The following ANK1 variants were observed in gnomAD, a reference collection of about 807,000 sequenced individuals.
ANK1 encodes the protein ankyrin 1.
ANK1 carries 51 observed loss-of-function variants against 210.4 expected under a neutral mutation model. That is an observed-to-expected ratio of 0.24 (90% CI 0.19 to 0.31). ANK1 has a LOEUF of 0.31. Ranked by LOEUF, ANK1 falls within the 10% of genes least tolerant of loss-of-function variation. The pLI, the probability that ANK1 is intolerant of heterozygous loss-of-function variation, is 1.00. For synonymous variants in ANK1, 967 were observed against 1,025.9 expected (o/e 0.94, Z 1.10); for missense variants, 2,051 against 2,504.4 (o/e 0.82, Z 3.86).
rs34773901 is a variant in ANK1, at chr8:41,740,162, A to ATT, written c.130-6095_130-6094dup. Among the ~76,000 whole-genome samples the ATT allele has an allele frequency of 9.2e-4, 127 of 137,452 alleles. 1 individual carries two copies. Among genetic ancestry groups the ATT allele is most frequent in the African/African-American group, 2.9e-3 (106 of 36,524 alleles). 90.2% of individuals were successfully genotyped at this position (137,452 alleles called of 152,430 possible). ...CTTGTTTTTTTTGTGTTTGTTTTTGATTTTTTTTTTTTTTTTAGATGGAGT... is the reference window on the plus strand; with the variant it reads ...CTTGTTTTTTTTGTGTTTGTTTTTGATTTTTTTTTTTTTTTTTTAGATGGAGT... On this transcript the variant is annotated intron_variant, in intron 2 of 42. Transcript: ENST00000289734.
intron 1 of ANK1, among the ~76,000 whole-genome samples, chr8:41,764,382 A>T (rs940000018): frequency 3.3e-5 from 5 of 152,212 alleles, no homozygotes; most frequent in African/African-American, 1.2e-4. Flanking sequence ...ACAGGGCAGG[A>T]GGCGTGTCCA....
intron 2 of ANK1, among the ~76,000 whole-genome samples, chr8:41,750,838 G>A (rs1384464065): frequency 6.6e-6 from 1 of 152,218 alleles, no homozygotes; most frequent in Non-Finnish European, 1.5e-5. Flanking sequence ...GCTGAGTTGT[G>A]GACGACAAAG....
At chr8:41,700,924 T>C (rs1378904637) in intron 22 of ANK1, among the ~76,000 whole-genome samples, 2 of 151,982 alleles carry the variant, frequency 1.3e-5, no homozygotes, top group Non-Finnish European at 2.9e-5. Context: ...CACCACACCC[T>C]GCTAATTTTT....
In ANK1 at chr8:41,686,156, T is replaced by C; in HGVS notation, c.4386A>G (p.Ala1462=). 1 of 1,614,250 alleles carries C rather than the reference T, an allele frequency of 6.2e-7. No individual in the cohort carries two copies. The stretch of plus-strand genomic sequence containing the variant: ...CCTCAGTGGGACGGTACTGACTGTT[T>C]GCGTTTTGGCCTTCACGGATGACCC... ...NLWVIREGQN[A]NMENLYTALQ... Residue 1462 remains alanine (A), a synonymous_variant, in exon 36 of 43, where the codon GCA becomes GCG. Transcript: ENST00000289734.
intron 37 of ANK1, among the ~76,000 whole-genome samples, chr8:41,680,077 C>T (rs888667911): frequency 1.8e-4 from 27 of 152,264 alleles, no homozygotes; most frequent in Non-Finnish European, 3.7e-4. Flanking sequence ...TGGCACACAT[C>T]GCACCTGACA....
chr8:41,728,019 G>A lies in ANK1; in HGVS notation c.229-13C>T, dbSNP rs780905498. ...CCGTGTTCCCCTTCTGAAACACATG[G>A]GGGAAGGGAACAGAGGCGGTTTCCC... On this transcript the variant is annotated splice_polypyrimidine_tract_variant and intron_variant, in intron 3 of 42. Transcript: ENST00000289734. 6.2e-7 allele frequency: 1 copy of A among 1,613,298 alleles called. No homozygotes were observed. The highest frequency in any genetic ancestry group is 8.5e-7 in the Non-Finnish European group (1 of 1,179,664).
rs1262009305 is a variant in ANK1 at position 41,694,920 on chromosome 8, C to G, written c.3116-117G>C. On this transcript the variant is annotated intron_variant, in intron 27 of 42. Coordinates refer to ENST00000289734, the MANE Select transcript of ANK1 (RefSeq NM_000037.4). The surrounding 1 kb of genome is among the most constrained non-coding windows in gnomAD (Gnocchi z 5.7). ...CAGTGCACACACCCTCCCCAGGTGC[C>G]GGGCGGCATAGTGGCCAGAAGAAGT... 1 of 1,202,232 alleles carries G rather than the reference C, an allele frequency of 8.3e-7. No homozygotes were observed. Among genetic ancestry groups the G allele is most frequent in the Admixed American group, 1.9e-5 (1 of 52,892 alleles). 74.5% of individuals were successfully genotyped at this position (1,202,232 alleles called of 1,614,324 possible).
intron 1 of ANK1, among the ~76,000 whole-genome samples, chr8:41,875,867 G>A (rs991784610): frequency 6.6e-6 from 1 of 152,128 alleles, no homozygotes; most frequent in Admixed American, 6.5e-5. Context: ...GGAAGCAGCC[G>A]GCACGAGAAA....
At chr8:41,866,071 G>C (rs1360481587) in intron 1 of ANK1, among the ~76,000 whole-genome samples, 4 of 152,222 alleles carry the variant, frequency 2.6e-5, no homozygotes, top group Non-Finnish European at 5.9e-5. Flanking sequence ...CCCTTCAGTG[G>C]GGACGTATGG....
chr8:41,690,106 G>T, intron 33 of ANK1, 121 bp downstream of exon 33: 6 of 1,495,894 alleles, frequency 4.0e-6, no homozygotes, highest in Non-Finnish European at 5.5e-6. Context: ...TGCATGCCTC[G>T]GGGGACTCTA....
intron 26 of ANK1, 78 bp downstream of exon 26, chr8:41,696,285 C>T (rs1322957131): frequency 1.3e-6 from 2 of 1,516,488 alleles, no homozygotes; most frequent in African/African-American, 2.7e-5. Context: ...TTCTGTTTCC[C>T]CATCAGGACA....
At chr8:41,685,908 C>A (rs983478223) in intron 36 of ANK1, among the ~76,000 whole-genome samples, 33 of 152,238 alleles carry the variant, frequency 2.2e-4, no homozygotes, top group African/African-American at 8.0e-4. Flanking sequence ...AGCCACTGTG[C>A]CAGGCCTTGC....
chr8:41,751,719 GC>G, intron 2 of ANK1, among the ~76,000 whole-genome samples: 1 of 152,074 alleles, frequency 6.6e-6, no homozygotes, highest in South Asian at 2.1e-4. Context: ...GTCCCACCTG[GC>G]CCCCGCACCA....
At chr8:41,688,000 G>A (rs546861368) in intron 35 of ANK1, among the ~76,000 whole-genome samples, 156 bp downstream of exon 35, 65 of 152,360 alleles carry the variant, frequency 4.3e-4, no homozygotes, top group African/African-American at 1.4e-3. Flanking sequence ...AGCCAATGGT[G>A]TGGCTTGGGC....
chr8:41,798,551 C>T (rs552822390), upstream of ANK1, among the ~76,000 whole-genome samples: 3 of 152,314 alleles, frequency 2.0e-5, no homozygotes, highest in East Asian at 5.8e-4. Context: ...AACGTCCGCC[C>T]GTCCAACAAC....
chr8:41,705,460 C>T lies in ANK1; in HGVS notation c.2097+683G>A, dbSNP rs749476240. Among the ~76,000 whole-genome samples the T allele has an allele frequency of 4.7e-4, 71 of 152,318 alleles. 2 individuals are homozygous for T. In the Middle Eastern group the frequency reaches 0.01, roughly 22 times the overall value. ...AATTTCCAGACTTTTCTCAGGGTGA[C>T]TTCAGCATAACATTGTTGCCGGCAT... On this transcript the variant is annotated intron_variant, in intron 18 of 42. Coordinates refer to ENST00000289734, the MANE Select transcript of ANK1 (RefSeq NM_000037.4).
Position 41,837,610 on chromosome 8 carries a change from G to A in ANK1, c.126+58745C>T, listed in dbSNP as rs183293926. On this transcript the variant is annotated intron_variant, in intron 1 of 42. Coordinates refer to the ANK1 transcript ENST00000265709. Reference sequence around the variant, plus strand: ...ATTTAGGCCAGGCATGGTGGCTCACGCCTGTAATCCCAGCACTTTGGGAGG... The same window carrying A: ...ATTTAGGCCAGGCATGGTGGCTCACACCTGTAATCCCAGCACTTTGGGAGG... Among the ~76,000 whole-genome samples the A allele has an allele frequency of 2.2e-3, 328 of 152,294 alleles. 2 individuals carry two copies. The highest frequency in any genetic ancestry group is 6.8e-3 in the Middle Eastern group (2 of 294).
chr8:41,728,507 C>A (rs2150664058), intron 3 of ANK1, among the ~76,000 whole-genome samples: 1 of 152,244 alleles, frequency 6.6e-6, no homozygotes, highest in African/African-American at 2.4e-5. Flanking sequence ...GGCTTCACCA[C>A]TACACAATGT....
At position 41,653,620 on chromosome 8, in the gene ANK1, C is replaced by G. The variant is rs527696981; in HGVS notation, c.*2170G>C. 29 of 152,732 alleles carry G rather than the reference C, an allele frequency of 1.9e-4. No individual in the cohort carries two copies. The highest frequency in any genetic ancestry group is 6.3e-4 in the African/African-American group (26 of 41,568). The allele number at this position is 152,732 out of a possible 1,614,324, so 9.5% of individuals were successfully genotyped here. ...GGGAGAGGAAGGTGCAGGATCGAGG[C>G]GGGAGAGGCGAGCCCTGAGCCCAGC... On this transcript the variant is annotated 3_prime_UTR_variant, in exon 43 of 43. Coordinates refer to ENST00000289734, the MANE Select transcript of ANK1 (RefSeq NM_000037.4).
Sources: gnomAD v4.1 joint callset for allele counts (sites outside exome capture counted in the v4.1 genomes callset) on GRCh38, gnomAD v4.1.1 for gene constraint, Gnocchi (gnomAD v3.1) non-coding constraint, MANE v1.5 for transcripts, NCBI Gene and HGNC (gene_info 2026-07-23, HGNC 2026-07-21) for gene names.